The following TET3 variants were observed in gnomAD, a reference collection of about 807,000 sequenced individuals.
TET3 encodes the protein tet methylcytosine dioxygenase 3.
TET3 carries 19 observed loss-of-function variants against 141.4 expected under a neutral mutation model. The observed-to-expected ratio is 0.13, with a 90% CI of 0.09 to 0.20. The LOEUF (loss-of-function observed/expected upper bound fraction) is 0.20. Among genes scored for constraint, TET3 ranks in the 10% least tolerant of loss-of-function variants. The probability of loss-of-function intolerance (pLI) is 1.00; values close to 1 mark genes in which losing one functional copy is unlikely to be tolerated. For missense variants in TET3, 1,874 were observed against 2,356.9 expected, an observed-to-expected ratio of 0.80 and a Z score of 4.24; for synonymous variants, 1,043 against 980.9, an observed-to-expected ratio of 1.06 and a Z score of -1.18.
chr2:74,095,576 C>T (rs1176754514), intron 10 of TET3, among the ~76,000 whole-genome samples: 1 of 152,200 alleles, frequency 6.6e-6, no homozygotes, highest in South Asian at 2.1e-4. Context: ...CATTCAGACA[C>T]CCAAATGTGT....
At chr2:74,061,093 G>T (rs1389041480) in intron 4 of TET3, among the ~76,000 whole-genome samples, 1 of 151,556 alleles carries the variant, frequency 6.6e-6, no homozygotes. Context: ...AGGGGCGGCC[G>T]GGCAGAGGCG....
intron 3 of TET3, among the ~76,000 whole-genome samples, chr2:74,037,107 G>T (rs961513563): frequency 6.6e-6 from 1 of 152,192 alleles, no homozygotes; most frequent in African/African-American, 2.4e-5. Context: ...GCCAGTTTGG[G>T]TATGGAGGGT....
At position 73,992,301 on chromosome 2, in the gene TET3, T is replaced by TTTTCTTTTTTTTC. The variant is rs138762221; in HGVS notation, c.303+5607_303+5608insCTTTCTTTTTTTT. ...ATTGCAAAATCACAATCTTTTTTTCTTTTCTTTTTTTTTTTTGTTTTGTTT... is the reference window on the plus strand; with the variant it reads ...ATTGCAAAATCACAATCTTTTTTTCTTTTCTTTTTTTTCTTTCTTTTTTTTTTTTGTTTTGTTT... On this transcript the variant is annotated intron_variant, in intron 2 of 11. Transcript: ENST00000409262. 8.6e-3 allele frequency among the ~76,000 whole-genome samples: 1,244 copies of TTTTCTTTTTTTTC among 145,488 alleles called. 14 individuals carry two copies. The highest frequency in any genetic ancestry group is 0.022 in the African/African-American group (821 of 37,318).
chr2:74,134,728 G>A, the TET3 span: 2 of 456,734 alleles, frequency 4.4e-6, no homozygotes, highest in South Asian at 3.1e-5. Context: ...ACAGGGACAA[G>A]GAAGCCTCCG....
intron 3 of TET3, among the ~76,000 whole-genome samples, chr2:74,033,053 T>C (rs537698335): frequency 3.9e-5 from 6 of 152,314 alleles, no homozygotes; most frequent in Middle Eastern, 6.8e-3. Flanking sequence ...TACAGCTCTC[T>C]AGCAACAGAA....
intron 4 of TET3, among the ~76,000 whole-genome samples, chr2:74,061,485 T>C (rs62150617): frequency 8.4e-6 from 1 of 119,730 alleles, no homozygotes; most frequent in East Asian, 3.0e-4. Context: ...CCCCACCTCC[T>C]TCCCGGACGG....
chr2:74,053,243 T>TC (rs142543680), intron 4 of TET3, among the ~76,000 whole-genome samples: 24,912 of 151,212 alleles, frequency 0.16, 2,325 homozygotes, highest in Non-Finnish European at 0.22. Context: ...CATTGGAGAG[T>TC]CCCCCCCCAA....
chr2:74,098,307 A>C (rs1389366490), intron 10 of TET3, among the ~76,000 whole-genome samples: 1 of 152,232 alleles, frequency 6.6e-6, no homozygotes, highest in Non-Finnish European at 1.5e-5. Context: ...TAACACATTG[A>C]TACAGTAGAA....
At position 74,093,594 on chromosome 2, in the gene TET3, G is replaced by A. The variant is rs938654597; in HGVS notation, c.3195G>A (p.Gly1065=). The change falls in exon 10 of 12, where the codon GGG becomes GGA. Residue 1065 remains glycine, a synonymous_variant. Transcript: ENST00000409262. The surrounding 1 kb of genome is among the most constrained non-coding windows in gnomAD (Gnocchi z 4.2). ...LGLKEGRPFA[G]VTACMDFCAH... Reference sequence around the variant, plus strand: ...TGAAGGAAGGACGGCCCTTCGCGGGGGTCACGGCCTGCATGGACTTCTGTG... The same window carrying A: ...TGAAGGAAGGACGGCCCTTCGCGGGAGTCACGGCCTGCATGGACTTCTGTG... 5.4e-5 allele frequency: 87 copies of A among 1,613,546 alleles called. No homozygotes were observed. Among genetic ancestry groups the A allele is most frequent in the Non-Finnish European group, 6.4e-5 (76 of 1,179,760 alleles).
chr2:74,035,794 T>C (rs1251270906), intron 3 of TET3, among the ~76,000 whole-genome samples: 1 of 151,716 alleles, frequency 6.6e-6, no homozygotes, highest in Non-Finnish European at 1.5e-5. Context: ...GGTGGATCCC[T>C]TGAGGCCAGG....
chr2:74,069,769 A>G (rs1258791634), intron 4 of TET3, among the ~76,000 whole-genome samples: 1 of 151,710 alleles, frequency 6.6e-6, no homozygotes, highest in Admixed American at 6.6e-5. Flanking sequence ...TATTGTTGTT[A>G]TTTGTTTGTT....
chr2:74,033,071 A>C (rs941072593), intron 3 of TET3, among the ~76,000 whole-genome samples: 1 of 152,212 alleles, frequency 6.6e-6, no homozygotes, highest in African/African-American at 2.4e-5. Flanking sequence ...GAAATAGCAC[A>C]AAAAATACCC....
At position 74,093,750 on chromosome 2, in the gene TET3, A is replaced by C. The variant is rs1348950143; in HGVS notation, c.3267+84A>C. 7.0e-7 allele frequency: 1 copy of C among 1,432,428 alleles called. No homozygotes were observed. Among genetic ancestry groups the C allele is most frequent in the Non-Finnish European group, 9.2e-7 (1 of 1,084,462 alleles). 88.7% of individuals were successfully genotyped at this position (1,432,428 alleles called of 1,614,324 possible). The stretch of plus-strand genomic sequence containing the variant: ...GTGGTCTTTTCAGAAAGGCAGGCTG[A>C]GGGTAGGGAGGGACCTGGAGACAGG... On this transcript the variant is annotated intron_variant, in intron 10 of 11. Coordinates refer to ENST00000409262, the MANE Select transcript of TET3 (RefSeq NM_001287491.2). The surrounding 1 kb of genome is among the most constrained non-coding windows in gnomAD (Gnocchi z 4.2).
chr2:74,065,165 G>T (rs141788161), intron 4 of TET3, among the ~76,000 whole-genome samples: 96 of 152,270 alleles, frequency 6.3e-4, no homozygotes, highest in African/African-American at 2.2e-3. Flanking sequence ...TAAGTGACAA[G>T]GTTTATCTTT....
rs913897320 is a variant in TET3 at position 74,046,711 on chromosome 2, A to G, written c.794A>G (p.His265Arg). The G allele has an allele frequency of 5.6e-6, 9 of 1,613,830 alleles. No homozygotes were observed. The highest frequency in any genetic ancestry group is 3.3e-5 in the South Asian group (3 of 91,092). The change falls in exon 4 of 12, where the codon CAT (histidine) becomes CGT (arginine). Residue 265 changes from histidine to arginine, a missense_variant. Around this residue, in one of 10 missense-constraint regions of TET3, gnomAD observed 366 missense variants for 487.0 expected, o/e 0.75. Transcript: ENST00000409262. The surrounding 1 kb of genome is among the most constrained non-coding windows in gnomAD (Gnocchi z 4.3). ...CAGACGGCCCTGGCCCTCGCGCGGC[A>G]TGGTATGAAACCACCCAACTGCAAC... Reference protein sequence around the residue: ...TLQTALALARHGMKPPNCNCD... With the variant: ...TLQTALALARRGMKPPNCNCD...
At chr2:74,041,142 G>A (rs1441528021) in intron 3 of TET3, among the ~76,000 whole-genome samples, 1 of 152,100 alleles carries the variant, frequency 6.6e-6, no homozygotes, top group East Asian at 1.9e-4. Flanking sequence ...AGGGGGACTG[G>A]TTTCAGTGCA....
chr2:73,997,117 G>A (rs1232552710), intron 2 of TET3, among the ~76,000 whole-genome samples: 1 of 152,242 alleles, frequency 6.6e-6, no homozygotes, highest in Non-Finnish European at 1.5e-5. Flanking sequence ...GAATGGATGG[G>A]AAGTTGCATT....
At chr2:74,122,455 A>ATG in the TET3 span, 5 of 122,694 alleles carry the variant, frequency 4.1e-5, no homozygotes, top group Middle Eastern at 4.1e-3. Context: ...TGAAATATAT[A>ATG]TATGTGTGTG....
At chr2:74,123,235 C>T in the TET3 span, 2 of 152,260 alleles carry the variant, frequency 1.3e-5, no homozygotes, top group East Asian at 1.9e-4. Flanking sequence ...CATGTCAAAT[C>T]GCTTGAATTC....
Sources: gnomAD v4.1 joint callset for allele counts (sites outside exome capture counted in the v4.1 genomes callset) on GRCh38, gnomAD v4.1.1 for gene constraint, gnomAD v4.1.1 regional missense constraint, Gnocchi (gnomAD v3.1) non-coding constraint, MANE v1.5 for transcripts, NCBI Gene and HGNC (gene_info 2026-07-23, HGNC 2026-07-21) for gene names.